PCDH15: variants seen among roughly 807,000 people sequenced by gnomAD.
PCDH15 encodes the protein protocadherin related 15.
PCDH15 carries 129 observed loss-of-function variants against 178.5 expected under a neutral mutation model. The ratio of observed to expected loss-of-function variants is 0.72; its 90% CI spans 0.63 to 0.84. The LOEUF (loss-of-function observed/expected upper bound fraction) is 0.84, where lower values mean the gene tolerates loss of function less well. PCDH15 is among the 40% of genes least tolerant of loss of function. The pLI, the probability that PCDH15 is intolerant of heterozygous loss-of-function variation, is 0.00. For missense variants in PCDH15, 2,230 were observed against 2,099.9 expected (o/e 1.06, Z -1.21); for synonymous variants, 800 against 732.0 (o/e 1.09, Z -1.50).
chr10:55,347,113 G>A (rs1452148366), intron 2 of PCDH15, among the ~76,000 whole-genome samples: 2 of 152,080 alleles, frequency 1.3e-5, no homozygotes, highest in African/African-American at 4.8e-5. Context: ...TACTTGGGAG[G>A]CTGTGCTGGG....
chr10:55,200,825 C>T (rs1840225089), intron 1 of PCDH15, among the ~76,000 whole-genome samples: 1 of 152,050 alleles, frequency 6.6e-6, no homozygotes, highest in Non-Finnish European at 1.5e-5. Flanking sequence ...CTCTCTCCTG[C>T]CTCACCATGT....
intron 4 of PCDH15, among the ~76,000 whole-genome samples, chr10:54,374,563 G>T (rs1327551569): frequency 6.6e-6 from 1 of 151,858 alleles, no homozygotes; most frequent in Non-Finnish European, 1.5e-5. Context: ...TATGTGATGT[G>T]CCTTTATTAC....
chr10:54,621,787 T>C (rs7076709), intron 2 of PCDH15, among the ~76,000 whole-genome samples: 4,546 of 151,850 alleles, frequency 0.03, 217 homozygotes, highest in African/African-American at 0.099. Flanking sequence ...AAATAATGAA[T>C]GCAAAAATGT....
chr10:55,294,318 C>G (rs565630810), intron 1 of PCDH15, among the ~76,000 whole-genome samples: 2 of 152,262 alleles, frequency 1.3e-5, no homozygotes, highest in East Asian at 3.9e-4. Context: ...CATGTCAATT[C>G]TTATTAATGC....
intron 1 of PCDH15, among the ~76,000 whole-genome samples, chr10:55,281,403 T>C (rs2132257685): frequency 6.6e-6 from 1 of 151,978 alleles, no homozygotes; most frequent in South Asian, 2.1e-4. Flanking sequence ...TCATTACCAC[T>C]ATACAAATAA....
At chr10:54,393,352 G>C (rs2135356786) in intron 3 of PCDH15, among the ~76,000 whole-genome samples, 1 of 152,200 alleles carries the variant, frequency 6.6e-6, no homozygotes, top group Middle Eastern at 3.4e-3. Flanking sequence ...AAGGTTTTTG[G>C]TAAAATACAG....
rs141205585 is a variant in PCDH15 at position 54,792,951 on chromosome 10, G to A, written c.-29+7974C>T. On this transcript the variant is annotated intron_variant, in intron 1 of 37. Transcript: ENST00000644397. ...CATTCCCAACTCCTACCCATATCAT[G>A]CTGTTAGCAGAGTCCTCCACCTGGA... Among the ~76,000 whole-genome samples the A allele has an allele frequency of 4.2e-3, 633 of 151,860 alleles. 7 individuals are homozygous for A. The highest frequency in any genetic ancestry group is 0.014 in the African/African-American group (589 of 41,464).
intron 8 of PCDH15, among the ~76,000 whole-genome samples, chr10:54,245,382 T>C (rs1372114061): frequency 6.6e-6 from 1 of 152,058 alleles, no homozygotes; most frequent in African/African-American, 2.4e-5. Context: ...TGGGAGAAAA[T>C]GGATTTTTAA....
rs959729455 is a variant in PCDH15, at chr10:54,137,632, C to T, written c.1785-4625G>A. 2.0e-5 allele frequency among the ~76,000 whole-genome samples: 3 copies of T among 152,078 alleles called. No homozygotes were observed. The South Asian group carries it at 6.2e-4, about 32-fold the overall frequency. ...CATTCATTATGATTGCTTCCTAGCC[C>T]CTCCCTAGTTCCTGTTTTCTTACAT... On this transcript the variant is annotated intron_variant, in intron 14 of 37. Coordinates refer to ENST00000644397, the MANE Select transcript of PCDH15 (RefSeq NM_001384140.1).
At chr10:55,373,448 G>T (rs558052954) in intron 2 of PCDH15, among the ~76,000 whole-genome samples, 1 of 152,062 alleles carries the variant, frequency 6.6e-6, no homozygotes, top group Admixed American at 6.5e-5. Flanking sequence ...TCTCAAAATG[G>T]CAGCATTTCC....
chr10:53,848,089 A>G (rs1589072937), intron 28 of PCDH15, among the ~76,000 whole-genome samples: 1 of 152,052 alleles, frequency 6.6e-6, no homozygotes, highest in Admixed American at 6.6e-5. Flanking sequence ...AATTGAAGAA[A>G]GTATAGAAAA....
chr10:54,000,189 C>T (rs895163585), intron 20 of PCDH15, among the ~76,000 whole-genome samples: 4 of 152,144 alleles, frequency 2.6e-5, no homozygotes, highest in South Asian at 2.1e-4. Flanking sequence ...CTTTCAAATA[C>T]CTGAAAAGCT....
rs998432120 is a variant in PCDH15, at chr10:54,850,216, C to T, written c.-29+47234G>A. On this transcript the variant is annotated intron_variant, in intron 3 of 5. Coordinates refer to the PCDH15 transcript ENST00000458638. ...AGATTTTTCTTAGTTCTCTCAGCAG[C>T]ATTTACATCAATACTCGATTTGTGA... Among the ~76,000 whole-genome samples the T allele has an allele frequency of 2.6e-5, 4 of 152,122 alleles. No homozygotes were observed. In the East Asian group the frequency reaches 5.8e-4, roughly 22 times the overall value.
At chr10:55,621,504 G>A (rs1164736815) in intron 2 of PCDH15, among the ~76,000 whole-genome samples, 2 of 152,148 alleles carry the variant, frequency 1.3e-5, no homozygotes, top group African/African-American at 4.8e-5. Flanking sequence ...GTAATGGTGG[G>A]TGGCATTACC....
upstream of PCDH15, among the ~76,000 whole-genome samples, chr10:54,803,571 T>C (rs1952726700): frequency 6.6e-6 from 1 of 152,136 alleles, no homozygotes; most frequent in Admixed American, 6.5e-5. Flanking sequence ...TGCTATCCAC[T>C]ATTCATTTGT....
rs1185765508 is a variant in PCDH15, at chr10:55,305,830, T to C, written c.-156+13769A>G. ...GTACTTTGTGAATTTTAAAGTGCTA[T>C]GAAAATTTAAAGGAAATAAAATTTA... is the stretch of plus-strand genomic sequence containing the variant. On this transcript the variant is annotated intron_variant, in intron 1 of 5. Transcript: ENST00000458638. Among the ~76,000 whole-genome samples, 6 of 152,328 alleles carry C rather than the reference T, an allele frequency of 3.9e-5. No homozygotes were observed. The East Asian group carries it at 7.7e-4, about 20-fold the overall frequency.
In PCDH15 at chr10:55,257,116, G is replaced by T. The variant is rs1193557619; in HGVS notation, c.-156+62483C>A. ...GCTGCTGAATACCCAGGCAAACATGGTCTGGAGTGGACCTCCAGCAAACTC... is the reference window on the plus strand; with the variant it reads ...GCTGCTGAATACCCAGGCAAACATGTTCTGGAGTGGACCTCCAGCAAACTC... On this transcript the variant is annotated intron_variant, in intron 1 of 5. Coordinates refer to the PCDH15 transcript ENST00000458638. Among the ~76,000 whole-genome samples the T allele has an allele frequency of 3.9e-5, 6 of 152,288 alleles. No individual in the cohort carries two copies. In the East Asian group the frequency reaches 1.2e-3, roughly 29 times the overall value.
intron 25 of PCDH15, among the ~76,000 whole-genome samples, chr10:53,923,419 T>C (rs1221505556): frequency 6.6e-6 from 1 of 152,228 alleles, no homozygotes; most frequent in Non-Finnish European, 1.5e-5. Context: ...TTAAAAAGAA[T>C]GACAAGCTAA....
chr10:54,128,662 AC>A (rs1327204665), intron 15 of PCDH15, among the ~76,000 whole-genome samples: 1 of 152,128 alleles, frequency 6.6e-6, no homozygotes, highest in African/African-American at 2.4e-5. Flanking sequence ...GACCTCTCTT[AC>A]TTGGATTTTT....
Sources: gnomAD v4.1 joint callset for allele counts (sites outside exome capture counted in the v4.1 genomes callset) on GRCh38, gnomAD v4.1.1 for gene constraint, MANE v1.5 for transcripts, NCBI Gene and HGNC (gene_info 2026-07-23, HGNC 2026-07-21) for gene names.